Variants in RBM47 observed in about 807,000 individuals in gnomAD.
RBM47 encodes RNA-binding protein 47.
Under a neutral mutation model 47.1 loss-of-function variants are expected in RBM47, and 21 were observed. That is an observed-to-expected ratio of 0.45 (90% CI 0.32 to 0.64). The LOEUF is 0.64. Among genes scored for constraint, RBM47 ranks in the 30% least tolerant of loss-of-function variants. The pLI is 0.05. For synonymous variants in RBM47, 375 were observed against 361.7 expected (o/e 1.04, Z -0.42); for missense variants, 708 against 870.9 (o/e 0.81, Z 2.35).
At chr4:40,564,556 T>C (rs1019395167) in intron 1 of RBM47, among the ~76,000 whole-genome samples, 3 of 152,216 alleles carry the variant, frequency 2.0e-5, no homozygotes, top group Non-Finnish European at 4.4e-5. Flanking sequence ...AGGAGAAGTA[T>C]GGCTTTAAAG....
At chr4:40,537,749 G>C (rs1728122120) in intron 2 of RBM47, among the ~76,000 whole-genome samples, 1 of 152,124 alleles carries the variant, frequency 6.6e-6, no homozygotes, top group Non-Finnish European at 1.5e-5. Context: ...TTACAGGAAG[G>C]CTTTGTGATG....
intron 1 of RBM47, among the ~76,000 whole-genome samples, chr4:40,575,552 C>CAGAAAAAAAAA (rs534016536): frequency 1.0e-5 from 1 of 98,364 alleles, no homozygotes; most frequent in African/African-American, 3.5e-5. Context: ...AACTCCATCT[C>CAGAAAAAAAAA]AAAAAAAAAA....
chr4:40,516,884 G>A (rs990945506), intron 2 of RBM47, among the ~76,000 whole-genome samples: 3 of 152,040 alleles, frequency 2.0e-5, no homozygotes, highest in East Asian at 1.9e-4. Flanking sequence ...CCCTCAGCAC[G>A]GGCCAGCCCC....
intron 2 of RBM47, among the ~76,000 whole-genome samples, chr4:40,504,636 C>G (rs1723848473): frequency 6.6e-6 from 1 of 152,058 alleles, no homozygotes; most frequent in Non-Finnish European, 1.5e-5. Flanking sequence ...AGGTTGTAAA[C>G]CAGTATTTTT....
At chr4:40,547,000 C>A (rs934773605) in intron 1 of RBM47, among the ~76,000 whole-genome samples, 2 of 152,126 alleles carry the variant, frequency 1.3e-5, no homozygotes, top group Non-Finnish European at 2.9e-5. Context: ...GAATATGGTA[C>A]CAAGATCAAA....
intron 2 of RBM47, among the ~76,000 whole-genome samples, chr4:40,471,672 G>C (rs1185261969): frequency 6.8e-6 from 1 of 147,074 alleles, no homozygotes; most frequent in Non-Finnish European, 1.5e-5. Context: ...CAGCCTGGGT[G>C]ACAAGAGCAA....
At chr4:40,554,008 G>T (rs1243939663) in intron 1 of RBM47, among the ~76,000 whole-genome samples, 2 of 152,136 alleles carry the variant, frequency 1.3e-5, no homozygotes, top group Non-Finnish European at 2.9e-5. Flanking sequence ...GTTTCTCCAA[G>T]CTCACATAGA....
chr4:40,511,911 G>A (rs1577849924), intron 2 of RBM47, among the ~76,000 whole-genome samples: 1 of 150,900 alleles, frequency 6.6e-6, no homozygotes, highest in Non-Finnish European at 1.5e-5. Flanking sequence ...CTCCAGCCTG[G>A]GGGACACAGT....
intron 4 of RBM47, among the ~76,000 whole-genome samples, chr4:40,437,138 CATATATATATATAAAATACATAT>C (rs1560357555): frequency 3.0e-4 from 23 of 76,280 alleles, no homozygotes; most frequent in African/African-American, 1.7e-3. Flanking sequence ...ATATAAAATA[CATATATATATATAAAATACATAT>C]ATATATATAT....
At chr4:40,477,816 C>G (rs1373487635) in intron 2 of RBM47, among the ~76,000 whole-genome samples, 1 of 151,926 alleles carries the variant, frequency 6.6e-6, no homozygotes, top group Admixed American at 6.6e-5. Context: ...TGGCTTTGAA[C>G]AAAGTTAATT....
rs536024262 is a variant in RBM47 at position 40,610,747 on chromosome 4, G to C, written c.-240+18649C>G. Among the ~76,000 whole-genome samples, 165 of 152,188 alleles carry C rather than the reference G, an allele frequency of 1.1e-3. 1 individual carries two copies. In the South Asian group the frequency reaches 0.021, roughly 19 times the overall value. The stretch of plus-strand genomic sequence containing the variant: ...CCCATGTGGTGTGGGAGGAACCCAG[G>C]GGGGAGGTAATTGAATCATGGGGGC... On this transcript the variant is annotated intron_variant, in intron 1 of 6. Transcript: ENST00000295971.
At chr4:40,437,003 G>C (rs1712567493) in intron 4 of RBM47, 1 of 361,330 alleles carries the variant, frequency 2.8e-6, no homozygotes, top group Non-Finnish European at 5.5e-6. Flanking sequence ...ACTTTGGGAG[G>C]CTGAGGCGAG....
intron 6 of RBM47, among the ~76,000 whole-genome samples, chr4:40,428,026 G>A (rs1170003600): frequency 6.6e-6 from 1 of 152,040 alleles, no homozygotes; most frequent in African/African-American, 2.4e-5. Context: ...CCTTGTCTCT[G>A]CAAAAGATAC....
chr4:40,580,149 T>G (rs1578003252), intron 1 of RBM47, among the ~76,000 whole-genome samples: 3 of 152,278 alleles, frequency 2.0e-5, no homozygotes, highest in Admixed American at 2.0e-4. Context: ...TTCCTTCAGT[T>G]GAACTTGGTT....
At chr4:40,600,201 C>T (rs1735119169) in intron 1 of RBM47, among the ~76,000 whole-genome samples, 1 of 148,694 alleles carries the variant, frequency 6.7e-6, no homozygotes, top group South Asian at 2.1e-4. Context: ...TTTGTAGAGA[C>T]AGGGTGTTGC....
At chr4:40,500,291 C>T (rs569478464) in intron 2 of RBM47, among the ~76,000 whole-genome samples, 31 of 150,110 alleles carry the variant, frequency 2.1e-4, no homozygotes, top group African/African-American at 5.9e-4. Context: ...CCAGCCTGGG[C>T]GACAAGGGCC....
intron 3 of RBM47, among the ~76,000 whole-genome samples, chr4:40,439,661 T>C (rs1461184812): frequency 6.6e-6 from 1 of 152,220 alleles, no homozygotes; most frequent in Non-Finnish European, 1.5e-5. Context: ...TAAACCACAC[T>C]ATTGTTTTCA....
chr4:40,597,282 T>G (rs999399247), intron 1 of RBM47, among the ~76,000 whole-genome samples: 1 of 149,842 alleles, frequency 6.7e-6, no homozygotes. Context: ...AGTTTTAGTT[T>G]ATCAAAATAC....
chr4:40,433,076 T>A (rs1055973673), intron 5 of RBM47, among the ~76,000 whole-genome samples: 3 of 152,100 alleles, frequency 2.0e-5, no homozygotes, highest in Non-Finnish European at 4.4e-5. Flanking sequence ...TCCTCCCACC[T>A]CAGCCTCCTG....
Sources: gnomAD v4.1 joint callset for allele counts (sites outside exome capture counted in the v4.1 genomes callset) on GRCh38, gnomAD v4.1.1 for gene constraint, MANE v1.5 for transcripts, NCBI Gene and HGNC (gene_info 2026-07-23, HGNC 2026-07-21) for gene names.